The following SPATA13 variants were observed in gnomAD, a reference collection of about 807,000 sequenced individuals.
SPATA13 encodes spermatogenesis associated 13.
Under a neutral mutation model 104.0 loss-of-function variants are expected in SPATA13, and 50 were observed. The observed-to-expected ratio is 0.48, with a 90% CI of 0.38 to 0.61. The LOEUF is 0.61. Among genes scored for constraint, SPATA13 ranks in the 20% least tolerant of loss-of-function variants. The probability of loss-of-function intolerance (pLI) is 0.00; values close to 1 mark genes in which losing one functional copy is unlikely to be tolerated. For synonymous variants in SPATA13, 606 were observed against 667.5 expected (o/e 0.91, Z 1.42); for missense variants, 1,524 against 1,690.6 (o/e 0.90, Z 1.73).
chr13:23,983,827 G>A (rs534684007), exon 2 of SPATA13: 1 of 952,834 alleles, frequency 1.0e-6, no homozygotes, highest in African/African-American at 1.8e-5. Context: ...GCAGAGTGAT[G>A]GGAGTCATAT....
upstream of SPATA13, among the ~76,000 whole-genome samples, chr13:24,158,859 C>T (rs531228006): frequency 6.6e-6 from 1 of 152,270 alleles, no homozygotes; most frequent in Non-Finnish European, 1.5e-5. Context: ...TGTACAGGGC[C>T]TCAAGGATGC....
intron 2 of SPATA13, among the ~76,000 whole-genome samples, chr13:24,008,274 C>T (rs1326932399): frequency 1.3e-5 from 2 of 152,244 alleles, no homozygotes; most frequent in Admixed American, 1.3e-4. Flanking sequence ...CCTGAATTCA[C>T]TCCTGAAGGT....
In SPATA13 at chr13:24,222,821, C is replaced by T. The variant is rs555197445; in HGVS notation, c.-109C>T. The T allele has an allele frequency of 2.1e-5, 32 of 1,516,362 alleles. No individual in the cohort carries two copies. The African/African-American group carries it at 2.5e-4, about 12-fold the overall frequency. The allele number at this position is 1,516,362 out of a possible 1,614,324, so 93.9% of individuals were successfully genotyped here. On this transcript the variant is annotated splice_region_variant and 5_prime_UTR_variant, in exon 2 of 13. Transcript: ENST00000382108. ...GCCTGCTTTGTCTTTCACTGCAGCCCGTGGCCACCCAGGAGCCCGATGTGC... is the reference window on the plus strand; with the variant it reads ...GCCTGCTTTGTCTTTCACTGCAGCCTGTGGCCACCCAGGAGCCCGATGTGC...
In SPATA13 at chr13:24,286,386, T is replaced by G; in HGVS notation, c.2474T>G (p.Phe825Cys). The G allele has an allele frequency of 6.2e-7, 1 of 1,611,980 alleles. No homozygotes were observed. The highest frequency in any genetic ancestry group is 1.1e-5 in the South Asian group (1 of 90,942). ...EDKEAWFPAS[F>C]VRLRVNQEEL... ...AAGGAAGCCTGGTTCCCCGCGAGCT[T>G]CGTCAGAGTAAGTGTGGGGTGCTTG... Residue 825 changes from phenylalanine (F) to cysteine (C), a missense_variant, in exon 6 of 13, where the codon TTC becomes TGC. Phe to Cys is a radical substitution (Grantham distance 205, BLOSUM62 -2). Coordinates refer to ENST00000382108, the MANE Select transcript of SPATA13 (RefSeq NM_001166271.3). This position sits in a 1 kb window ranked among gnomAD's most constrained non-coding sequence, Gnocchi z 4.9.
At position 24,190,120 on chromosome 13, in the gene SPATA13, C is replaced by CAT. The variant is rs1555267648; in HGVS notation, c.-112+29190_-112+29191dup. Among the ~76,000 whole-genome samples the CAT allele has an allele frequency of 6.1e-3, 28 of 4,590 alleles. 11 individuals carry two copies. The highest frequency in any genetic ancestry group is 0.029 in the Non-Finnish European group (2 of 70). The allele number at this position is 4,590 out of a possible 152,430, so 3.0% of individuals were successfully genotyped here. A position where few individuals can be genotyped will look rare whatever the true frequency, so the allele number is the denominator to read the frequency against. On this transcript the variant is annotated intron_variant, in intron 1 of 12. Coordinates refer to ENST00000382108, the MANE Select transcript of SPATA13 (RefSeq NM_001166271.3). The stretch of plus-strand genomic sequence containing the variant: ...ATATACAATATATATTATTATATAA[C>CAT]ATAATAATATACAATATATATTATT...
intron 1 of SPATA13, among the ~76,000 whole-genome samples, chr13:24,189,658 T>A (rs1341533329): frequency 0.045 from 444 of 9,888 alleles, 124 homozygotes; most frequent in African/African-American, 0.057. Flanking sequence ...TATTATATAT[T>A]ATATATTTAT....
chr13:24,006,179 G>A (rs916337970), intron 2 of SPATA13, among the ~76,000 whole-genome samples: 20 of 152,170 alleles, frequency 1.3e-4, no homozygotes, highest in Non-Finnish European at 4.4e-5. Flanking sequence ...AAGCATATCC[G>A]GGAGGGTATA....
intron 3 of SPATA13, among the ~76,000 whole-genome samples, chr13:24,148,540 G>C (rs1274871230): frequency 4.6e-5 from 7 of 152,276 alleles, no homozygotes; most frequent in Admixed American, 4.6e-4. Flanking sequence ...AGGAGTTTCT[G>C]ACCTGAAGCA....
At chr13:24,242,308 A>G (rs1872885238) in intron 2 of SPATA13, among the ~76,000 whole-genome samples, 1 of 152,196 alleles carries the variant, frequency 6.6e-6, no homozygotes, top group Admixed American at 6.5e-5. Flanking sequence ...GTCTACACAC[A>G]CATGGATGAA....
At chr13:24,115,129 A>G (rs1880792588) in intron 3 of SPATA13, among the ~76,000 whole-genome samples, 1 of 152,204 alleles carries the variant, frequency 6.6e-6, no homozygotes, top group African/African-American at 2.4e-5. Flanking sequence ...GTGTTTTGAT[A>G]TGGCAAAATT....
intron 1 of SPATA13, among the ~76,000 whole-genome samples, chr13:24,221,068 A>G (rs1252444329): frequency 6.6e-6 from 1 of 152,198 alleles, no homozygotes; most frequent in Non-Finnish European, 1.5e-5. Flanking sequence ...ATTTACAGTC[A>G]GGGTCGTGAG....
intron 2 of SPATA13, among the ~76,000 whole-genome samples, chr13:24,245,923 T>C (rs939518972): frequency 6.6e-6 from 1 of 152,104 alleles, no homozygotes; most frequent in African/African-American, 2.4e-5. Flanking sequence ...CTGTGCTGAC[T>C]CTGAGGCATG....
chr13:24,185,816 GAC>G (rs1276077987), intron 1 of SPATA13, among the ~76,000 whole-genome samples: 1 of 118,968 alleles, frequency 8.4e-6, no homozygotes. Flanking sequence ...TACATCAAGA[GAC>G]AGAGAGAGAG....
At chr13:24,017,624 C>T (rs1295793927) in intron 2 of SPATA13, 6 of 978,480 alleles carry the variant, frequency 6.1e-6, no homozygotes, top group Non-Finnish European at 6.1e-6. Context: ...AACCTGTTTT[C>T]ACACATCTGT....
chr13:24,219,842 G>A (rs575513793), intron 1 of SPATA13, among the ~76,000 whole-genome samples: 54 of 152,198 alleles, frequency 3.5e-4, no homozygotes, highest in African/African-American at 1.2e-3. Flanking sequence ...CTAATTTATC[G>A]CACTGAGCTT....
chr13:24,038,498 C>T (rs1024719131), intron 3 of SPATA13, among the ~76,000 whole-genome samples: 2 of 152,180 alleles, frequency 1.3e-5, no homozygotes, highest in Non-Finnish European at 1.5e-5. Context: ...ATCACTGCAG[C>T]ACTTCAGGAG....
At chr13:24,280,310 A>T (rs2138718912) in intron 4 of SPATA13, among the ~76,000 whole-genome samples, 1 of 152,282 alleles carries the variant, frequency 6.6e-6, no homozygotes, top group Middle Eastern at 3.4e-3. Context: ...GTTAATTGTG[A>T]ATTTATACAT....
intron 2 of SPATA13, among the ~76,000 whole-genome samples, chr13:23,994,287 G>T (rs966238475): frequency 2.0e-5 from 3 of 152,192 alleles, no homozygotes; most frequent in African/African-American, 7.2e-5. Flanking sequence ...ATGTTCATTG[G>T]TAAGAATTTG....
chr13:24,242,340 T>C (rs1365215241), intron 2 of SPATA13, among the ~76,000 whole-genome samples: 1 of 152,054 alleles, frequency 6.6e-6, no homozygotes, highest in Non-Finnish European at 1.5e-5. Flanking sequence ...CCCAGAGAAA[T>C]ACATAGAGCA....
Sources: allele counts gnomAD v4.1 joint callset (sites outside exome capture counted in the v4.1 genomes callset), GRCh38; gene constraint gnomAD v4.1.1; non-coding constraint Gnocchi (gnomAD v3.1); transcripts MANE v1.5; gene names NCBI Gene and HGNC (gene_info 2026-07-23, HGNC 2026-07-21).